SORCS3: variants seen among roughly 807,000 people sequenced by gnomAD.
SORCS3 encodes sortilin related VPS10 domain containing receptor 3, also known as VPS10 domain-containing receptor SorCS3.
A neutral mutation model predicts 146.3 loss-of-function variants in SORCS3; 57 were observed. The observed-to-expected ratio is 0.39, with a 90% CI of 0.31 to 0.49. SORCS3 has a LOEUF of 0.49. Ranked by LOEUF, SORCS3 falls within the 20% of genes least tolerant of loss-of-function variation. SORCS3 has a pLI of 0.92. For synonymous variants in SORCS3, 653 were observed against 618.5 expected (o/e 1.06, Z -0.83); for missense variants, 1,341 against 1,575.5 (o/e 0.85, Z 2.52).
intron 2 of SORCS3, among the ~76,000 whole-genome samples, chr10:104,907,219 C>G (rs1389152073): frequency 1.3e-5 from 2 of 151,894 alleles, no homozygotes; most frequent in African/African-American, 4.8e-5. Context: ...AACAGAGATG[C>G]AGTGAATTAT....
intron 1 of SORCS3, among the ~76,000 whole-genome samples, chr10:104,689,564 C>G (rs72813621): frequency 0.094 from 14,344 of 152,246 alleles, 726 homozygotes; most frequent in Admixed American, 0.14. Flanking sequence ...TAAATGTCAC[C>G]TTTTCAGAGT....
chr10:104,765,609 C>T (rs1039410136), intron 1 of SORCS3, among the ~76,000 whole-genome samples: 10 of 152,138 alleles, frequency 6.6e-5, no homozygotes, highest in Admixed American at 1.3e-4. Flanking sequence ...ATAGAGTGGA[C>T]GTTGTGACTA....
chr10:104,824,288 C>CTTCT (rs2017910918), intron 1 of SORCS3, among the ~76,000 whole-genome samples: 1 of 152,220 alleles, frequency 6.6e-6, no homozygotes, highest in Middle Eastern at 3.2e-3. Context: ...GTATGTGAAG[C>CTTCT]TCTAGCCTCA....
chr10:104,986,109 G>T (rs2054960704), intron 4 of SORCS3, among the ~76,000 whole-genome samples: 1 of 152,202 alleles, frequency 6.6e-6, no homozygotes, highest in Non-Finnish European at 1.5e-5. Flanking sequence ...TCCAATAGAA[G>T]GCTGCTCATT....
chr10:105,110,027 TAG>T (rs2055849213), intron 7 of SORCS3, among the ~76,000 whole-genome samples: 1 of 152,036 alleles, frequency 6.6e-6, no homozygotes, highest in Non-Finnish European at 1.5e-5. Context: ...ATGTGTACAC[TAG>T]ACAGGAAAGA....
intron 22 of SORCS3, among the ~76,000 whole-genome samples, chr10:105,248,539 C>A (rs2056880626): frequency 6.6e-6 from 1 of 152,016 alleles, no homozygotes; most frequent in Non-Finnish European, 1.5e-5. Context: ...CATGGTGAAA[C>A]CCTGTCTCTA....
At chr10:104,903,981 T>A (rs1362815408) in intron 2 of SORCS3, among the ~76,000 whole-genome samples, 1 of 152,238 alleles carries the variant, frequency 6.6e-6, no homozygotes, top group Non-Finnish European at 1.5e-5. Context: ...TATATTAACA[T>A]GTAACAGGGT....
chr10:105,219,335 G>A (rs2056685235), intron 19 of SORCS3, among the ~76,000 whole-genome samples: 1 of 152,226 alleles, frequency 6.6e-6, no homozygotes. Flanking sequence ...GTTGTAACAT[G>A]TATAAAAAGG....
chr10:104,737,050 A>G (rs886746591), intron 1 of SORCS3, among the ~76,000 whole-genome samples: 4 of 151,580 alleles, frequency 2.6e-5, no homozygotes, highest in African/African-American at 9.7e-5. Flanking sequence ...TGTCCTTGCG[A>G]TAGTTTACTG....
intron 1 of SORCS3, among the ~76,000 whole-genome samples, chr10:104,697,957 A>G (rs560366004): frequency 2.1e-4 from 32 of 152,310 alleles, no homozygotes; most frequent in African/African-American, 6.0e-4. Context: ...GAATCCAAGC[A>G]AGCCCAGCAC....
intron 16 of SORCS3, among the ~76,000 whole-genome samples, chr10:105,201,834 T>TCACATC (rs1176421699): frequency 6.6e-6 from 1 of 152,178 alleles, no homozygotes. Context: ...CTCCTCTTGA[T>TCACATC]TCACTATCAG....
chr10:104,750,473 C>A (rs55979002), intron 1 of SORCS3, among the ~76,000 whole-genome samples: 2,811 of 152,210 alleles, frequency 0.018, 88 homozygotes, highest in African/African-American at 0.065. Flanking sequence ...AAGATAGTGT[C>A]CCAAGTAGCC....
intron 1 of SORCS3, among the ~76,000 whole-genome samples, chr10:104,837,051 C>T (rs1469590201): frequency 2.0e-5 from 3 of 152,102 alleles, no homozygotes; most frequent in Non-Finnish European, 2.9e-5. Context: ...GCACATTTTC[C>T]ATACCTCTCT....
At chr10:105,197,968 C>T (rs2056553390) in intron 14 of SORCS3, among the ~76,000 whole-genome samples, 1 of 152,154 alleles carries the variant, frequency 6.6e-6, no homozygotes, top group East Asian at 1.9e-4. Flanking sequence ...TTGCAGCGGA[C>T]TACTCACACC....
chr10:105,059,182 G>A (rs1429492704), intron 5 of SORCS3, among the ~76,000 whole-genome samples: 1 of 152,050 alleles, frequency 6.6e-6, no homozygotes, highest in African/African-American at 2.4e-5. Context: ...CCTTTGAGTA[G>A]TACAAACTGG....
chr10:105,061,264 T>G (rs2055484264), intron 5 of SORCS3, among the ~76,000 whole-genome samples: 1 of 149,396 alleles, frequency 6.7e-6, no homozygotes, highest in Admixed American at 6.7e-5. Flanking sequence ...GGGGGTGAGG[T>G]AGGGTGGGAG....
chr10:105,233,775 T>C (rs1383835096), intron 20 of SORCS3, among the ~76,000 whole-genome samples: 3 of 152,216 alleles, frequency 2.0e-5, no homozygotes, highest in Non-Finnish European at 4.4e-5. Flanking sequence ...TTCCATGGTG[T>C]ATATGTGCCA....
chr10:105,019,593 T>C (rs76164484), intron 4 of SORCS3, among the ~76,000 whole-genome samples: 1,617 of 152,312 alleles, frequency 0.011, 24 homozygotes, highest in African/African-American at 0.036. Context: ...ATCACACCCC[T>C]CTGAAGCTGA....
At chr10:104,985,802 G>A (rs538328628) in intron 4 of SORCS3, among the ~76,000 whole-genome samples, 1 of 152,188 alleles carries the variant, frequency 6.6e-6, no homozygotes, top group East Asian at 1.9e-4. Flanking sequence ...TAATAGTTTG[G>A]GAGGAATCTT....
Sources: allele counts gnomAD v4.1 joint callset (sites outside exome capture counted in the v4.1 genomes callset), GRCh38; gene constraint gnomAD v4.1.1; transcripts MANE v1.5; gene names NCBI Gene and HGNC (gene_info 2026-07-23, HGNC 2026-07-21).